YME1L1: variants seen among roughly 807,000 people sequenced by gnomAD.
YME1L1 encodes the protein ATP-dependent zinc metalloprotease YME1L1.
Under a neutral mutation model 90.4 loss-of-function variants are expected in YME1L1, and 39 were observed. The ratio of observed to expected loss-of-function variants is 0.43; its 90% CI spans 0.33 to 0.56. The LOEUF (loss-of-function observed/expected upper bound fraction) is 0.56. YME1L1 is among the 20% of genes least tolerant of loss of function. YME1L1 has a pLI of 0.03. For synonymous variants in YME1L1, 284 were observed against 287.3 expected, an observed-to-expected ratio of 0.99 and a Z score of 0.12; for missense variants, 617 against 868.4, an observed-to-expected ratio of 0.71 and a Z score of 3.64.
intron 17 of YME1L1, among the ~76,000 whole-genome samples, chr10:27,115,250 C>T (rs1311256414): frequency 4.6e-5 from 7 of 151,872 alleles, no homozygotes; most frequent in Admixed American, 4.6e-4. Context: ...AAGACTCCGT[C>T]TCAAAAACAA....
At chr10:27,120,317 A>G in intron 13 of YME1L1, 118 bp downstream of exon 13, 1 of 703,190 alleles carries the variant, frequency 1.4e-6, no homozygotes, top group Non-Finnish European at 2.3e-6. Flanking sequence ...TGGAAAAAAA[A>G]AAGACAAAAA....
At chr10:27,145,380 T>C (rs762265693) in intron 3 of YME1L1, 48 bp downstream of exon 3, 1 of 1,455,594 alleles carries the variant, frequency 6.9e-7, no homozygotes, top group Non-Finnish European at 9.3e-7. Flanking sequence ...TCTATAATTA[T>C]TAATAGTGCT....
intron 18 of YME1L1, among the ~76,000 whole-genome samples, chr10:27,112,567 C>T (rs1564453547): frequency 1.3e-5 from 2 of 152,172 alleles, no homozygotes; most frequent in Non-Finnish European, 2.9e-5. Context: ...TACTAACCTA[C>T]CCTCTTATAT....
At chr10:27,129,327 A>G (rs1203510047) in intron 8 of YME1L1, 1 of 152,166 alleles carries the variant, frequency 6.6e-6, no homozygotes, top group Non-Finnish European at 1.5e-5. Flanking sequence ...TTCCCTTTAT[A>G]CAATTCCAAC....
chr10:27,144,529 C>A (rs1032027199), intron 3 of YME1L1, among the ~76,000 whole-genome samples: 3 of 152,018 alleles, frequency 2.0e-5, no homozygotes, highest in African/African-American at 7.3e-5. Context: ...AGTTGACATC[C>A]CTTTTCAGAC....
chr10:27,149,094 C>T (rs370961336), intron 1 of YME1L1, 54 bp from the exon 2 acceptor site: 1 of 1,451,274 alleles, frequency 6.9e-7, no homozygotes, highest in Non-Finnish European at 9.4e-7. Context: ...ATAAACAGAA[C>T]AATCTCCTTT....
intron 8 of YME1L1, among the ~76,000 whole-genome samples, chr10:27,128,590 C>T (rs915231795): frequency 5.3e-5 from 8 of 150,860 alleles, no homozygotes; most frequent in Admixed American, 5.3e-4. Flanking sequence ...CCCCACCCCC[C>T]AAAAAAAAGA....
chr10:27,115,951 T>A, intron 17 of YME1L1, 109 bp downstream of exon 17: 1 of 972,850 alleles, frequency 1.0e-6, no homozygotes, highest in Non-Finnish European at 1.6e-6. Flanking sequence ...TCAAATCCAT[T>A]TGGAGTGAGA....
chr10:27,110,791 T>C lies in YME1L1; in HGVS notation c.*1186A>G, dbSNP rs2056751912. On this transcript the variant is annotated 3_prime_UTR_variant, in exon 19 of 19. Transcript: ENST00000376016. ...AAAATACTGCTTCTCTGAAGTACAT[T>C]TCATTAGGGAGAGTGACAGTAATGC... 6.6e-6 allele frequency: 1 copy of C among 152,180 alleles called. No homozygotes were observed. Among genetic ancestry groups the C allele is most frequent in the Non-Finnish European group, 1.5e-5 (1 of 68,040 alleles). The allele number at this position is 152,180 out of a possible 1,614,324, so 9.4% of individuals were successfully genotyped here.
At chr10:27,120,300 A>T (rs2056853535) in intron 13 of YME1L1, 135 bp downstream of exon 13, 1 of 621,614 alleles carries the variant, frequency 1.6e-6, no homozygotes. Context: ...TTAAACGAAC[A>T]TACTAATGGA....
intron 8 of YME1L1, among the ~76,000 whole-genome samples, chr10:27,128,848 G>T (rs922633251): frequency 6.6e-6 from 1 of 152,086 alleles, no homozygotes; most frequent in African/African-American, 2.4e-5. Flanking sequence ...GGAGGAGGTT[G>T]TTGTGAGCTA....
At chr10:27,140,432 G>A (rs146415358) in intron 4 of YME1L1, among the ~76,000 whole-genome samples, 1 of 152,134 alleles carries the variant, frequency 6.6e-6, no homozygotes, top group Non-Finnish European at 1.5e-5. Flanking sequence ...ATTCAGTCGT[G>A]AGACATTTAG....
intron 3 of YME1L1, among the ~76,000 whole-genome samples, chr10:27,142,999 G>C (rs1271580360): frequency 6.6e-6 from 1 of 152,108 alleles, no homozygotes; most frequent in Non-Finnish European, 1.5e-5. Context: ...TTACAGGCGT[G>C]AGCCACTGTG....
intron 1 of YME1L1, chr10:27,153,413 G>A (rs903898646): frequency 3.1e-6 from 1 of 326,518 alleles, no homozygotes; most frequent in Non-Finnish European, 6.1e-6. Context: ...AAAACTCAAT[G>A]TTTTAAAAAC....
chr10:27,115,291 T>C (rs1325996504), intron 17 of YME1L1, among the ~76,000 whole-genome samples: 1 of 150,302 alleles, frequency 6.7e-6, no homozygotes, highest in Non-Finnish European at 1.5e-5. Context: ...ATCAAAATAG[T>C]AAAAGTATGA....
chr10:27,121,163 C>G (rs1399841496), intron 12 of YME1L1, among the ~76,000 whole-genome samples: 1 of 152,106 alleles, frequency 6.6e-6, no homozygotes, highest in African/African-American at 2.4e-5. Flanking sequence ...TTAGAATATT[C>G]CCATCCCCCA....
At chr10:27,147,497 C>T in intron 2 of YME1L1, 1 of 1,613,496 alleles carries the variant, frequency 6.2e-7, no homozygotes, top group Non-Finnish European at 8.5e-7. Context: ...CCGCAGTGTA[C>T]AGGGATTGAG....
chr10:27,145,845 G>T, intron 2 of YME1L1: 2 of 251,876 alleles, frequency 7.9e-6, no homozygotes, highest in Non-Finnish European at 1.5e-5. Context: ...ATTTCAGCAT[G>T]AATGAGAAAA....
chr10:27,132,261 C>T (rs561690136), intron 7 of YME1L1, among the ~76,000 whole-genome samples: 4 of 152,142 alleles, frequency 2.6e-5, no homozygotes, highest in South Asian at 2.1e-4. Flanking sequence ...CCACCAAACC[C>T]GGCTAATTTT....
Sources: gnomAD v4.1 joint callset for allele counts (sites outside exome capture counted in the v4.1 genomes callset) on GRCh38, gnomAD v4.1.1 for gene constraint, MANE v1.5 for transcripts, NCBI Gene and HGNC (gene_info 2026-07-23, HGNC 2026-07-21) for gene names.